C1orf174: variants seen among roughly 807,000 people sequenced by gnomAD.
The protein encoded by C1orf174 is UPF0688 protein C1orf174.
A neutral mutation model predicts 18.4 loss-of-function variants in C1orf174; 13 were observed. The ratio of observed to expected loss-of-function variants is 0.71; its 90% CI spans 0.46 to 1.12. The LOEUF (loss-of-function observed/expected upper bound fraction) is 1.12, where lower values mean the gene tolerates loss of function less well. C1orf174 is among the 50% of genes most tolerant of loss of function. C1orf174 has a pLI of 0.00. For synonymous variants in C1orf174, 100 were observed against 118.3 expected (o/e 0.85, Z 1.01); for missense variants, 309 against 308.0 (o/e 1.00, Z -0.02).
chr1:3,895,359 T>C (rs534332371), intron 1 of C1orf174: 1 of 152,434 alleles, frequency 6.6e-6, no homozygotes, highest in South Asian at 2.1e-4. Flanking sequence ...CCACCCGCTC[T>C]GTGTTCTACG....
intron 3 of C1orf174, 131 bp downstream of exon 3, chr1:3,890,438 G>T: frequency 7.7e-7 from 1 of 1,290,326 alleles, no homozygotes; most frequent in Non-Finnish European, 1.1e-6. Flanking sequence ...TTCTCCTCGT[G>T]GGTTAAAATG....
chr1:3,896,349 C>T (rs1255239726), intron 1 of C1orf174, among the ~76,000 whole-genome samples: 2 of 152,224 alleles, frequency 1.3e-5, no homozygotes, highest in Non-Finnish European at 2.9e-5. Flanking sequence ...GCCCCATCAA[C>T]CCCGTCCTAG....
chr1:3,897,173 G>C (rs1288034025), intron 1 of C1orf174, among the ~76,000 whole-genome samples: 1 of 152,144 alleles, frequency 6.6e-6, no homozygotes, highest in East Asian at 1.9e-4. Context: ...TCATACACTG[G>C]AATAAAAGCA....
chr1:3,899,840 A>C (rs1271579056), intron 1 of C1orf174, among the ~76,000 whole-genome samples: 1 of 146,404 alleles, frequency 6.8e-6, no homozygotes, highest in Non-Finnish European at 1.5e-5. Context: ...ATGGCCTGGG[A>C]GCTCCCCTTC....
intron 3 of C1orf174, among the ~76,000 whole-genome samples, 198 bp from the exon 4 acceptor site, chr1:3,890,271 G>C (rs1251087065): frequency 2.6e-5 from 4 of 152,188 alleles, no homozygotes; most frequent in Non-Finnish European, 4.4e-5. Context: ...GAGAAGGAAA[G>C]GTGCTGGGTT....
intron 3 of C1orf174, among the ~76,000 whole-genome samples, 183 bp from the exon 4 acceptor site, chr1:3,890,256 G>A (rs1203298934): frequency 6.6e-6 from 1 of 152,148 alleles, no homozygotes; most frequent in African/African-American, 2.4e-5. Context: ...GGCTGATCGA[G>A]TAAAGAGAAG....
intron 2 of C1orf174, chr1:3,891,884 G>A: frequency 2.2e-6 from 2 of 897,970 alleles, no homozygotes; most frequent in Non-Finnish European, 2.7e-6. Context: ...ACACACACGG[G>A]TGGGAGGGTG....
rs76383411 is a variant in C1orf174 at position 3,899,743 on chromosome 1, C to G, written c.15+429G>C. 4.2e-4 allele frequency among the ~76,000 whole-genome samples: 64 copies of G among 152,296 alleles called. No individual in the cohort carries two copies. The East Asian group carries it at 0.012, about 28-fold the overall frequency. On this transcript the variant is annotated intron_variant, in intron 1 of 3. Coordinates refer to ENST00000361605, the MANE Select transcript of C1orf174 (RefSeq NM_207356.3). Reference sequence around the variant, plus strand: ...GAAACCTCCCTTCAAGGGGGCGTGACCTGGGAGCCCCCTGTTGCCCAGGAC... The same window carrying G: ...GAAACCTCCCTTCAAGGGGGCGTGAGCTGGGAGCCCCCTGTTGCCCAGGAC...
At chr1:3,892,697 C>A in intron 2 of C1orf174, 186 bp downstream of exon 2, 1 of 1,438,362 alleles carries the variant, frequency 7.0e-7, no homozygotes, top group Non-Finnish European at 9.2e-7. Context: ...CAGCCCTGGC[C>A]TGCAGAGTGT....
At chr1:3,899,284 T>C (rs951556337) in intron 1 of C1orf174, among the ~76,000 whole-genome samples, 4 of 152,226 alleles carry the variant, frequency 2.6e-5, no homozygotes, top group Non-Finnish European at 4.4e-5. Context: ...TCCAAGTATA[T>C]GTGCCTACAG....
intron 1 of C1orf174, among the ~76,000 whole-genome samples, chr1:3,899,051 T>C (rs1638659145): frequency 7.0e-6 from 1 of 142,276 alleles, no homozygotes; most frequent in Non-Finnish European, 1.5e-5. Flanking sequence ...CCCAAAAAAG[T>C]TGTGGAAAAA....
rs774428852 is a variant in C1orf174, at chr1:3,900,177, G to A, written c.10C>T (p.Arg4Trp). Residue 4 changes from arginine to tryptophan, a missense_variant, in exon 1 of 4, where the codon CGG becomes TGG. Physicochemically the swap from Arg to Trp is moderately radical, Grantham distance 101 (BLOSUM62 -3). Transcript: ENST00000361605. Reference protein sequence around the residue: MRSRKLTGAVRSSA... With the variant: MRSWKLTGAVRSSA... ...TGCCGGGACCCAGCCCTCACCTTCC[G>A]GCTCCTCATGAGTGTGAGCACCGCA... The A allele has an allele frequency of 3.8e-6, 6 of 1,586,688 alleles. No homozygotes were observed. The Admixed American group carries it at 8.6e-5, about 23-fold the overall frequency.
rs748571106 is a variant in C1orf174, at chr1:3,892,917, A to G, written c.95T>C (p.Val32Ala). The change falls in exon 2 of 4, where the codon GTT becomes GCT. Residue 32 changes from valine to alanine, a missense_variant. Val to Ala is a moderately conservative substitution (Grantham distance 64). Coordinates refer to ENST00000361605, the MANE Select transcript of C1orf174 (RefSeq NM_207356.3). Reference protein sequence around the residue: ...SAARLASAQEVAGSTSAKTAC... With the variant: ...SAARLASAQEAAGSTSAKTAC... Reference sequence around the variant, plus strand: ...TGTCTTGGCAGACGTGGAACCAGCAACTTCCTGGGCAGAGGCCAACCTGGC... The same window carrying G: ...TGTCTTGGCAGACGTGGAACCAGCAGCTTCCTGGGCAGAGGCCAACCTGGC... 6.8e-6 allele frequency: 11 copies of G among 1,614,092 alleles called. No individual in the cohort carries two copies. The highest frequency in any genetic ancestry group is 9.3e-6 in the Non-Finnish European group (11 of 1,180,030).
chr1:3,894,120 T>G (rs1453805421), intron 1 of C1orf174, among the ~76,000 whole-genome samples: 2 of 151,996 alleles, frequency 1.3e-5, no homozygotes, highest in East Asian at 3.9e-4. Context: ...CTTAGAAAAC[T>G]CGAAAGGAAT....
rs756151482 is a variant in C1orf174 at position 3,892,905 on chromosome 1, G to C, written c.107C>G (p.Thr36Arg). Residue 36 changes from threonine to arginine, a missense_variant, in exon 2 of 4, where the codon ACG becomes AGG. Physicochemically the swap from Thr to Arg is moderately conservative, Grantham distance 71. Coordinates refer to ENST00000361605, the MANE Select transcript of C1orf174 (RefSeq NM_207356.3). ...CACCAGACATGCTGTCTTGGCAGAC[G>C]TGGAACCAGCAACTTCCTGGGCAGA... Reference protein sequence around the residue: ...LASAQEVAGSTSAKTACLTSS... With the variant: ...LASAQEVAGSRSAKTACLTSS... 6.2e-7 allele frequency: 1 copy of C among 1,614,192 alleles called. No individual in the cohort carries two copies. The highest frequency in any genetic ancestry group is 1.7e-5 in the Admixed American group (1 of 60,022).
Position 3,900,169 on chromosome 1 carries a change from C to T in C1orf174, c.15+3G>A. The T allele has an allele frequency of 3.2e-6, 5 of 1,586,660 alleles. No individual in the cohort carries two copies. Among genetic ancestry groups the T allele is most frequent in the South Asian group, 1.1e-5 (1 of 89,810 alleles). ...GCAGCTGCTGCCGGGACCCAGCCCT[C>T]ACCTTCCGGCTCCTCATGAGTGTGA... On this transcript the variant is annotated splice_donor_region_variant and intron_variant, in intron 1 of 3. Coordinates refer to ENST00000361605, the MANE Select transcript of C1orf174 (RefSeq NM_207356.3).
intron 3 of C1orf174, 21 bp from the exon 4 acceptor site, chr1:3,890,094 G>A (rs1461767173): frequency 6.3e-7 from 1 of 1,592,968 alleles, no homozygotes; most frequent in Admixed American, 1.7e-5. Flanking sequence ...AAGAAAACAT[G>A]ACTTCAGTCA....
intron 1 of C1orf174, among the ~76,000 whole-genome samples, chr1:3,894,043 G>C (rs1024990772): frequency 6.6e-6 from 1 of 152,200 alleles, no homozygotes; most frequent in Non-Finnish European, 1.5e-5. Flanking sequence ...GATTTTATTT[G>C]TATTTTATCG....
Position 3,900,240 on chromosome 1 carries a change from G to A in C1orf174, c.-54C>T, listed in dbSNP as rs1360180103. Reference sequence around the variant, plus strand: ...GCGCCCCGGCCAACGCGTCCCGGCGGAGCGGCGACCCGGAGTCTGCAGAGC... The same window carrying A: ...GCGCCCCGGCCAACGCGTCCCGGCGAAGCGGCGACCCGGAGTCTGCAGAGC... On this transcript the variant is annotated 5_prime_UTR_variant, in exon 1 of 4. Transcript: ENST00000361605. 3.9e-6 allele frequency: 6 copies of A among 1,534,824 alleles called. No individual in the cohort carries two copies. Among genetic ancestry groups the A allele is most frequent in the African/African-American group, 1.4e-5 (1 of 69,968 alleles).
Sources: gnomAD v4.1 joint callset for allele counts (sites outside exome capture counted in the v4.1 genomes callset) on GRCh38, gnomAD v4.1.1 for gene constraint, MANE v1.5 for transcripts, NCBI Gene and HGNC (gene_info 2026-07-23, HGNC 2026-07-21) for gene names.